DOCK2: variants seen among roughly 807,000 people sequenced by gnomAD.
DOCK2 encodes dedicator of cytokinesis 2.
A neutral mutation model predicts 248.9 loss-of-function variants in DOCK2; 87 were observed. The ratio of observed to expected loss-of-function variants is 0.35; its 90% CI spans 0.29 to 0.42. The LOEUF (loss-of-function observed/expected upper bound fraction) is 0.42. Among genes scored for constraint, DOCK2 ranks in the 10% least tolerant of loss-of-function variants. DOCK2 has a pLI of 1.00. For synonymous variants in DOCK2, 805 were observed against 821.6 expected (o/e 0.98, Z 0.35); for missense variants, 1,747 against 2,300.2 (o/e 0.76, Z 4.92).
intron 26 of DOCK2, among the ~76,000 whole-genome samples, chr5:169,814,797 G>C (rs905734471): frequency 6.6e-6 from 1 of 152,272 alleles, no homozygotes; most frequent in African/African-American, 2.4e-5. Flanking sequence ...TCTATGTGAA[G>C]GGAAATTACA....
At chr5:169,766,647 CT>C (rs1263463219) in intron 25 of DOCK2, among the ~76,000 whole-genome samples, 1 of 152,212 alleles carries the variant, frequency 6.6e-6, no homozygotes, top group Non-Finnish European at 1.5e-5. Flanking sequence ...GTTTTAAGTA[CT>C]TTGAGAAATC....
intron 6 of DOCK2, among the ~76,000 whole-genome samples, chr5:169,675,271 C>G (rs1406778368): frequency 6.6e-6 from 1 of 152,232 alleles, no homozygotes; most frequent in Admixed American, 6.5e-5. Context: ...GGCCTCACCA[C>G]TCTGCTACTT....
intron 6 of DOCK2, among the ~76,000 whole-genome samples, chr5:169,675,551 A>G (rs1697717710): frequency 6.6e-6 from 1 of 152,202 alleles, no homozygotes; most frequent in Admixed American, 6.5e-5. Context: ...GTTACTTTTA[A>G]TGAGCCTTAG....
chr5:170,056,834 C>A, intron 43 of DOCK2, 66 bp downstream of exon 43: 2 of 1,447,624 alleles, frequency 1.4e-6, no homozygotes, highest in East Asian at 4.6e-5. Flanking sequence ...CATGCATCGG[C>A]CAGCCTCAGA....
intron 25 of DOCK2, among the ~76,000 whole-genome samples, chr5:169,790,200 G>A (rs1766243909): frequency 6.6e-6 from 1 of 152,160 alleles, no homozygotes; most frequent in Admixed American, 6.6e-5. Flanking sequence ...TAAACAAGAG[G>A]CTTTTAATGC....
chr5:169,760,014 T>A (rs112243866), intron 24 of DOCK2, among the ~76,000 whole-genome samples: 80 of 152,286 alleles, frequency 5.3e-4, no homozygotes, highest in African/African-American at 1.8e-3. Flanking sequence ...TGAAAATTAA[T>A]CATATAGGTT....
chr5:169,774,823 T>G (rs1046953689), intron 25 of DOCK2, among the ~76,000 whole-genome samples: 2 of 152,216 alleles, frequency 1.3e-5, no homozygotes, highest in Non-Finnish European at 2.9e-5. Context: ...CAGAGAAATC[T>G]GATTTCTTTA....
chr5:169,657,162 GT>G (rs1247883745), intron 2 of DOCK2, among the ~76,000 whole-genome samples: 1 of 152,178 alleles, frequency 6.6e-6, no homozygotes, highest in Non-Finnish European at 1.5e-5. Flanking sequence ...GCCATGCAGA[GT>G]TTTCAAATAG....
At chr5:169,983,799 T>C (rs1394092034) in intron 28 of DOCK2, among the ~76,000 whole-genome samples, 1 of 152,168 alleles carries the variant, frequency 6.6e-6, no homozygotes, top group Non-Finnish European at 1.5e-5. Flanking sequence ...CAACTCTCCC[T>C]GGAGAGACCA....
At chr5:169,846,623 CAT>C (rs905403110) in intron 27 of DOCK2, among the ~76,000 whole-genome samples, 38 of 128,844 alleles carry the variant, frequency 2.9e-4, no homozygotes, top group African/African-American at 8.1e-4. Context: ...CACACACACA[CAT>C]ATATACACAC....
intron 1 of DOCK2, among the ~76,000 whole-genome samples, chr5:169,647,670 C>A (rs1053751014): frequency 6.6e-5 from 10 of 152,110 alleles, no homozygotes; most frequent in Admixed American, 3.3e-4. Context: ...GGTTTCCCCC[C>A]TCTCTTCCCT....
intron 33 of DOCK2, among the ~76,000 whole-genome samples, chr5:170,023,182 C>A (rs1202089290): frequency 3.9e-5 from 6 of 152,074 alleles, no homozygotes; most frequent in African/African-American, 1.4e-4. Flanking sequence ...GAGCCCTCAG[C>A]AGGCAGGAGA....
intron 26 of DOCK2, among the ~76,000 whole-genome samples, chr5:169,816,604 C>T (rs1047930125): frequency 3.3e-5 from 5 of 152,198 alleles, no homozygotes; most frequent in African/African-American, 1.2e-4. Context: ...TCCCACCAAA[C>T]CTTCATGCTC....
chr5:169,656,645 C>A (rs923372970), intron 2 of DOCK2, among the ~76,000 whole-genome samples: 1 of 152,236 alleles, frequency 6.6e-6, no homozygotes, highest in Non-Finnish European at 1.5e-5. Context: ...CAAGCCCACA[C>A]TCTTTCCTCC....
intron 30 of DOCK2, 67 bp from the exon 31 acceptor site, chr5:170,008,430 T>C (rs746807142): frequency 7.7e-5 from 116 of 1,510,282 alleles, no homozygotes; most frequent in Non-Finnish European, 1.0e-4. Context: ...TTATTCACAC[T>C]ACCCAGCGCT....
intron 27 of DOCK2, among the ~76,000 whole-genome samples, chr5:169,869,834 G>GA (rs1245573704): frequency 6.6e-6 from 1 of 152,166 alleles, no homozygotes; most frequent in African/African-American, 2.4e-5. Flanking sequence ...CGCTTTCACT[G>GA]CTTCCACCTA....
chr5:169,721,781 A>G (rs954278226), intron 22 of DOCK2, among the ~76,000 whole-genome samples: 3 of 152,240 alleles, frequency 2.0e-5, no homozygotes, highest in Non-Finnish European at 2.9e-5. Flanking sequence ...AGGAAAGAAG[A>G]GTCGTTGTGG....
rs1762805353 is a variant in DOCK2, at chr5:169,732,095, G to A, written c.2267+13304G>A. 2.0e-5 allele frequency among the ~76,000 whole-genome samples: 3 copies of A among 152,112 alleles called. No individual in the cohort carries two copies. In the South Asian group the frequency reaches 6.2e-4, roughly 31 times the overall value. The stretch of plus-strand genomic sequence containing the variant: ...GATTGCACCACTGCACTCCAGCCTG[G>A]GTGACAGAGTGAGACCCCATCTTAA... On this transcript the variant is annotated intron_variant, in intron 22 of 51. Coordinates refer to ENST00000520908, the MANE Select transcript of DOCK2 (RefSeq NM_004946.3).
rs1286555083 is a variant in DOCK2 at position 169,688,538 on chromosome 5, G to A, written c.762-714G>A. ...ATATTTGCATTATATATATCTACCA[G>A]TTGAGCATCTCTAATCCCAAAATCT... On this transcript the variant is annotated intron_variant, in intron 8 of 51. Coordinates refer to ENST00000520908, the MANE Select transcript of DOCK2 (RefSeq NM_004946.3). 2.0e-5 allele frequency among the ~76,000 whole-genome samples: 3 copies of A among 152,264 alleles called. No individual in the cohort carries two copies. The East Asian group carries it at 5.8e-4, about 29-fold the overall frequency.
Sources: gnomAD v4.1 joint callset for allele counts (sites outside exome capture counted in the v4.1 genomes callset) on GRCh38, gnomAD v4.1.1 for gene constraint, MANE v1.5 for transcripts, NCBI Gene and HGNC (gene_info 2026-07-23, HGNC 2026-07-21) for gene names.